Variants in LRRC72 observed in about 807,000 individuals in gnomAD.
The protein encoded by LRRC72 is leucine rich repeat containing 72.
Under a neutral mutation model 35.8 loss-of-function variants are expected in LRRC72, and 41 were observed. The observed-to-expected ratio is 1.15, with a 90% CI of 0.89 to 1.49. LRRC72 has a LOEUF of 1.49. Ranked by LOEUF, LRRC72 falls within the 40% of genes most tolerant of loss-of-function variation. LRRC72 has a pLI of 0.00. For missense variants in LRRC72, 389 were observed against 330.7 expected, an observed-to-expected ratio of 1.18 and a Z score of -1.37; for synonymous variants, 118 against 119.2, an observed-to-expected ratio of 0.99 and a Z score of 0.07.
In LRRC72 at chr7:16,548,537, G is replaced by A. The variant is rs6949859; in HGVS notation, c.235-8823G>A. 7.5e-3 allele frequency among the ~76,000 whole-genome samples: 1,147 copies of A among 152,318 alleles called. 20 individuals are homozygous for A. The highest frequency in any genetic ancestry group is 0.026 in the African/African-American group (1,079 of 41,582). ...CACACTGCATTCCCCAGTGTCAGTC[G>A]TGGAAGCTGCTTTTGATACACCTGG... On this transcript the variant is annotated intron_variant, in intron 3 of 8. Coordinates refer to ENST00000401542, the MANE Select transcript of LRRC72 (RefSeq NM_001195280.2).
At chr7:16,553,979 A>T (rs1215336865) in intron 3 of LRRC72, among the ~76,000 whole-genome samples, 1 of 152,216 alleles carries the variant, frequency 6.6e-6, no homozygotes, top group African/African-American at 2.4e-5. Context: ...CTTAATATAA[A>T]TCCTACAGCA....
Position 16,526,912 on chromosome 7 carries a change from G to T in LRRC72, c.-41G>T, listed in dbSNP as rs1354299600. 6.7e-7 allele frequency: 1 copy of T among 1,501,684 alleles called. No individual in the cohort carries two copies. The highest frequency in any genetic ancestry group is 2.0e-5 in the Admixed American group (1 of 50,860). The allele number at this position is 1,501,684 out of a possible 1,614,324, so 93.0% of individuals were successfully genotyped here. ...CTCTTCGGTGCCACCGGCGGGCGAG[G>T]CCGGATTAATCACCGCTGCTTCGGC... On this transcript the variant is annotated 5_prime_UTR_variant, in exon 1 of 9. Transcript: ENST00000401542.
intron 7 of LRRC72, among the ~76,000 whole-genome samples, chr7:16,570,475 CATA>C (rs1431611312): frequency 1.3e-5 from 2 of 152,084 alleles, no homozygotes; most frequent in African/African-American, 4.8e-5. Context: ...TCCTGTTAAC[CATA>C]ATGTCACTCT....
At chr7:16,579,219 G>A (rs528533836) in intron 7 of LRRC72, among the ~76,000 whole-genome samples, 39 of 152,252 alleles carry the variant, frequency 2.6e-4, no homozygotes, top group Non-Finnish European at 4.1e-4. Flanking sequence ...ACATCAAGTC[G>A]TACACCTTAA....
At chr7:16,547,915 G>C (rs980874861) in intron 3 of LRRC72, among the ~76,000 whole-genome samples, 2 of 152,224 alleles carry the variant, frequency 1.3e-5, no homozygotes, top group South Asian at 2.1e-4. Context: ...CTTCAAGCTG[G>C]AAAGGGCCTA....
chr7:16,561,455 T>C (rs1782742767), intron 5 of LRRC72, among the ~76,000 whole-genome samples: 1 of 152,208 alleles, frequency 6.6e-6, no homozygotes, highest in Non-Finnish European at 1.5e-5. Flanking sequence ...ATCCAGCCCA[T>C]GCCCTGCTTG....
At chr7:16,560,835 C>A (rs1480866919) in intron 5 of LRRC72, among the ~76,000 whole-genome samples, 1 of 151,964 alleles carries the variant, frequency 6.6e-6, no homozygotes, top group East Asian at 1.9e-4. Flanking sequence ...CGAAATTCTG[C>A]TAATAGACTC....
chr7:16,551,603 C>A (rs1231700693), intron 3 of LRRC72, among the ~76,000 whole-genome samples: 1 of 152,150 alleles, frequency 6.6e-6, no homozygotes, highest in Non-Finnish European at 1.5e-5. Context: ...ATAAAGCTTT[C>A]ATACAAATCC....
chr7:16,547,812 C>T (rs1435522567), intron 3 of LRRC72, among the ~76,000 whole-genome samples: 1 of 152,214 alleles, frequency 6.6e-6, no homozygotes. Flanking sequence ...CCTGCAGGTG[C>T]CCCTTGGCAT....
intron 3 of LRRC72, among the ~76,000 whole-genome samples, chr7:16,539,864 A>T (rs1231939796): frequency 1.3e-5 from 2 of 152,348 alleles, no homozygotes; most frequent in East Asian, 3.9e-4. Context: ...CCTAGATTTC[A>T]GAGGATATAT....
intron 3 of LRRC72, among the ~76,000 whole-genome samples, chr7:16,555,858 T>A (rs566583574): frequency 6.6e-6 from 1 of 152,328 alleles, no homozygotes; most frequent in South Asian, 2.1e-4. Flanking sequence ...TATATTCTTG[T>A]ATACATAAAG....
intron 2 of LRRC72, among the ~76,000 whole-genome samples, chr7:16,535,294 G>C (rs1782234499): frequency 6.6e-6 from 1 of 152,130 alleles, no homozygotes. Flanking sequence ...AATTCTGCTT[G>C]AAATGTCTTT....
chr7:16,534,382 T>C (rs770903880), intron 2 of LRRC72, among the ~76,000 whole-genome samples: 2 of 152,194 alleles, frequency 1.3e-5, no homozygotes, highest in African/African-American at 2.4e-5. Flanking sequence ...GTGAAAGAGT[T>C]AAAGTACCCT....
chr7:16,536,531 T>G (rs1312920765), intron 2 of LRRC72, among the ~76,000 whole-genome samples: 1 of 151,994 alleles, frequency 6.6e-6, no homozygotes, highest in Non-Finnish European at 1.5e-5. Flanking sequence ...AATATATAAA[T>G]TAGATAGATA....
At chr7:16,546,310 T>A (rs566437377) in intron 3 of LRRC72, among the ~76,000 whole-genome samples, 1 of 152,250 alleles carries the variant, frequency 6.6e-6, no homozygotes, top group East Asian at 1.9e-4. Context: ...CCCTACGGTT[T>A]TTCAACCTTG....
intron 2 of LRRC72, among the ~76,000 whole-genome samples, chr7:16,535,870 G>GT (rs1223763719): frequency 1.3e-5 from 2 of 152,178 alleles, no homozygotes; most frequent in Non-Finnish European, 1.5e-5. Flanking sequence ...ATGTTTTCTG[G>GT]TTTTTTTGTT....
chr7:16,527,325 C>T (rs57692141), intron 1 of LRRC72, among the ~76,000 whole-genome samples: 11,315 of 152,140 alleles, frequency 0.074, 478 homozygotes, highest in Admixed American at 0.11. Flanking sequence ...TTGAGGACTT[C>T]CCAGTCCACA....
chr7:16,553,893 T>G (rs933093586), intron 3 of LRRC72, among the ~76,000 whole-genome samples: 2 of 152,214 alleles, frequency 1.3e-5, no homozygotes, highest in African/African-American at 2.4e-5. Context: ...ATAATAATGG[T>G]TAAATAATAG....
rs939620779 is a variant in LRRC72, at chr7:16,566,403, G to T, written c.517+1G>T. On this transcript the variant is annotated splice_donor_variant, in intron 6 of 8. Transcript: ENST00000401542. LOFTEE classifies it high-confidence loss of function. The stretch of plus-strand genomic sequence containing the variant: ...GGAGTGGAGCTGCTTGACCGAAATC[G>T]TAAGGACCCTTCCTTCTTGCAAAGA... The T allele has an allele frequency of 6.5e-7, 1 of 1,534,088 alleles. No homozygotes were observed. Among genetic ancestry groups the T allele is most frequent in the Non-Finnish European group, 8.8e-7 (1 of 1,137,746 alleles).
Sources: gnomAD v4.1 joint callset for allele counts (sites outside exome capture counted in the v4.1 genomes callset) on GRCh38, gnomAD v4.1.1 for gene constraint, MANE v1.5 for transcripts, NCBI Gene and HGNC (gene_info 2026-07-23, HGNC 2026-07-21) for gene names.